PLEK2: variants seen among roughly 807,000 people sequenced by gnomAD.
The protein encoded by PLEK2 is pleckstrin 2, also known as pleckstrin-2.
A neutral mutation model predicts 43.8 loss-of-function variants in PLEK2; 29 were observed. The observed-to-expected ratio is 0.66, with a 90% CI of 0.49 to 0.90. The LOEUF is 0.90. Ranked by LOEUF, PLEK2 falls within the 40% of genes least tolerant of loss-of-function variation. PLEK2 has a pLI of 0.00. For synonymous variants in PLEK2, 162 were observed against 173.2 expected, an observed-to-expected ratio of 0.94 and a Z score of 0.51; for missense variants, 398 against 448.1, an observed-to-expected ratio of 0.89 and a Z score of 1.01.
At chr14:67,407,058 G>A (rs1595661064) in intron 1 of PLEK2, among the ~76,000 whole-genome samples, 1 of 152,146 alleles carries the variant, frequency 6.6e-6, no homozygotes, top group South Asian at 2.1e-4. Context: ...TCAGGGATGG[G>A]CTTATGAGAC....
chr14:67,392,104 C>A (rs1267830476), intron 6 of PLEK2, among the ~76,000 whole-genome samples: 1 of 152,148 alleles, frequency 6.6e-6, no homozygotes, highest in Non-Finnish European at 1.5e-5. Flanking sequence ...GTACATTTTT[C>A]CCGAACAGCC....
intron 7 of PLEK2, among the ~76,000 whole-genome samples, chr14:67,389,255 G>GT (rs2085949933): frequency 1.3e-5 from 2 of 152,052 alleles, no homozygotes; most frequent in African/African-American, 4.8e-5. Context: ...ACTACTAAAT[G>GT]CCAACGGGAG....
At chr14:67,393,669 G>A (rs2085986030) in intron 3 of PLEK2, among the ~76,000 whole-genome samples, 1 of 152,058 alleles carries the variant, frequency 6.6e-6, no homozygotes, top group Admixed American at 6.5e-5. Context: ...GACCAGGCTG[G>A]TCTCGAACTC....
chr14:67,399,728 G>T (rs111481653), intron 1 of PLEK2, among the ~76,000 whole-genome samples: 1,628 of 121,166 alleles, frequency 0.013, 81 homozygotes, highest in East Asian at 0.048. Context: ...GTTTAGGTGG[G>T]TCTCAGGTGG....
At chr14:67,393,350 C>A in intron 3 of PLEK2, 109 bp from the exon 4 acceptor site, 1 of 779,202 alleles carries the variant, frequency 1.3e-6, no homozygotes. Flanking sequence ...AATGGTGTGA[C>A]ACACATCACA....
At chr14:67,405,910 C>T (rs564604563) in intron 1 of PLEK2, among the ~76,000 whole-genome samples, 26 of 152,282 alleles carry the variant, frequency 1.7e-4, no homozygotes, top group South Asian at 1.0e-3. Flanking sequence ...CTTGCAGCTA[C>T]GCTGTTACTG....
chr14:67,400,551 G>A (rs2086041214), intron 1 of PLEK2, among the ~76,000 whole-genome samples: 1 of 152,204 alleles, frequency 6.6e-6, no homozygotes, highest in Non-Finnish European at 1.5e-5. Flanking sequence ...GGCAGCACTA[G>A]CAGGACTGGT....
At chr14:67,402,274 ATT>A (rs1260780791) in intron 1 of PLEK2, among the ~76,000 whole-genome samples, 1 of 152,046 alleles carries the variant, frequency 6.6e-6, no homozygotes, top group Non-Finnish European at 1.5e-5. Flanking sequence ...TTTACTTTAA[ATT>A]TTTTTATTTT....
chr14:67,387,542 A>G (rs2085935756), intron 8 of PLEK2, 86 bp from the exon 9 acceptor site: 14 of 1,339,790 alleles, frequency 1.0e-5, no homozygotes, highest in Non-Finnish European at 1.4e-5. Context: ...CAACTGAGAC[A>G]TGGACAAAAA....
intron 6 of PLEK2, among the ~76,000 whole-genome samples, chr14:67,391,444 A>C (rs1259823767): frequency 6.6e-6 from 1 of 151,402 alleles, no homozygotes; most frequent in Non-Finnish European, 1.5e-5. Flanking sequence ...CTCGGGAAGG[A>C]CTCCTATCAG....
chr14:67,398,667 C>T (rs1009333936), intron 1 of PLEK2, among the ~76,000 whole-genome samples: 3 of 152,086 alleles, frequency 2.0e-5, no homozygotes, highest in African/African-American at 7.2e-5. Flanking sequence ...CTGAGAACCA[C>T]CTAAACTACT....
At position 67,392,832 on chromosome 14, in the gene PLEK2, A is replaced by G. The variant is rs200193310; in HGVS notation, c.499T>C (p.Trp167Arg). The G allele has an allele frequency of 1.9e-6, 3 of 1,612,234 alleles. No individual in the cohort carries two copies. In the African/African-American group the frequency reaches 4.0e-5, roughly 21 times the overall value. ...GCCGTGAAGCTGTTGGAGATGAGCC[A>G]GTCCACCAGGGAGGAGCCTGGCCAA... ...KTFLGSSLVD[W>R]LISNSFTASR... Residue 167 changes from tryptophan to arginine, a missense_variant, in exon 5 of 9, where the codon TGG becomes CGG. By Grantham distance (101) the Trp-to-Arg change is moderately radical. Transcript: ENST00000216446.
intron 4 of PLEK2, 103 bp from the exon 5 acceptor site, chr14:67,392,952 G>A: frequency 9.7e-7 from 1 of 1,031,988 alleles, no homozygotes; most frequent in Non-Finnish European, 1.4e-6. Context: ...CAGCCTCAGG[G>A]CTCTACGCAA....
chr14:67,410,104 T>A (rs1047603026), intron 1 of PLEK2, among the ~76,000 whole-genome samples: 4 of 152,108 alleles, frequency 2.6e-5, no homozygotes, highest in African/African-American at 9.7e-5. Flanking sequence ...CCTCATTTTC[T>A]GCACCCTGGA....
intron 1 of PLEK2, 57 bp downstream of exon 1, chr14:67,411,961 G>C: frequency 4.8e-6 from 7 of 1,456,814 alleles, no homozygotes; most frequent in Non-Finnish European, 6.5e-6. Flanking sequence ...CCGCTCTAGG[G>C]AGCCGCGTCG....
Position 67,408,339 on chromosome 14 carries a change from TAAA to T in PLEK2, c.42+3676_42+3678del, listed in dbSNP as rs1566632447. Reference sequence around the variant, plus strand: ...TAAAATAAAATAAAATAAAATAAAATAAAATAAAATAAAATAAAAAAAGAAAAA... The same window carrying T: ...TAAAATAAAATAAAATAAAATAAAATATAAAATAAAATAAAAAAAGAAAAA... On this transcript the variant is annotated intron_variant, in intron 1 of 8. Coordinates refer to ENST00000216446, the MANE Select transcript of PLEK2 (RefSeq NM_016445.3). 4.9e-5 allele frequency among the ~76,000 whole-genome samples: 7 copies of T among 141,570 alleles called. No individual in the cohort carries two copies. In the East Asian group the frequency reaches 1.7e-3, roughly 35 times the overall value. 92.9% of individuals were successfully genotyped at this position (141,570 alleles called of 152,430 possible). A position where few individuals can be genotyped will look rare whatever the true frequency, so the allele number is the denominator to read the frequency against.
chr14:67,389,290 C>T (rs546666297), intron 7 of PLEK2, among the ~76,000 whole-genome samples: 5 of 152,128 alleles, frequency 3.3e-5, no homozygotes, highest in Admixed American at 6.5e-5. Context: ...GGAAGGGATC[C>T]GCCCCAGCCT....
At chr14:67,408,764 C>T (rs944292826) in intron 1 of PLEK2, among the ~76,000 whole-genome samples, 1 of 152,200 alleles carries the variant, frequency 6.6e-6, no homozygotes, top group Admixed American at 6.5e-5. Context: ...GCCTCCAGAA[C>T]TCCTTCTGCT....
intron 4 of PLEK2, 52 bp downstream of exon 4, chr14:67,393,098 A>G (rs1413192610): frequency 1.5e-6 from 2 of 1,340,626 alleles, no homozygotes; most frequent in African/African-American, 2.9e-5. Context: ...TGAGCCCTGC[A>G]TCACCATGTC....
Sources: gnomAD v4.1 joint callset for allele counts (sites outside exome capture counted in the v4.1 genomes callset) on GRCh38, gnomAD v4.1.1 for gene constraint, MANE v1.5 for transcripts, NCBI Gene and HGNC (gene_info 2026-07-23, HGNC 2026-07-21) for gene names.